ENTPD2: variants seen among roughly 807,000 people sequenced by gnomAD.
The protein encoded by ENTPD2 is ectonucleoside triphosphate diphosphohydrolase 2, also known as CD39 antigen-like 1.
In ENTPD2, 48 loss-of-function variants were observed where a neutral mutation model predicts 46.8. The ratio of observed to expected loss-of-function variants is 1.03; its 90% CI spans 0.81 to 1.30. The LOEUF (loss-of-function observed/expected upper bound fraction) is 1.30. Ranked by LOEUF, ENTPD2 falls within the 50% of genes most tolerant of loss-of-function variation. The pLI, the probability that ENTPD2 is intolerant of heterozygous loss-of-function variation, is 0.00. For synonymous variants in ENTPD2, 316 were observed against 286.1 expected (o/e 1.10, Z -1.06); for missense variants, 707 against 651.1 (o/e 1.09, Z -0.93).
In ENTPD2 at chr9:137,048,977, G is replaced by C. The variant is rs7873815; in HGVS notation, c.1248C>G (p.Asp416Glu). The C allele has an allele frequency of 1.3e-6, 2 of 1,534,320 alleles. No individual in the cohort carries two copies. Among genetic ancestry groups the C allele is most frequent in the East Asian group, 2.5e-5 (1 of 40,382 alleles). ...AGATCACGCCGCCGAAGGCGCGCTC[G>C]TCGAAGCCGTAGCCGCGACTCAGCA... ...QQLLSRGYGF[D>E]ERAFGGVIFQ... Residue 416 changes from aspartate to glutamate, a missense_variant, in exon 8 of 9, where the codon GAC becomes GAG. Physicochemically the swap from Asp to Glu is conservative, Grantham distance 45. Coordinates refer to ENST00000355097, the MANE Select transcript of ENTPD2 (RefSeq NM_203468.3).
chr9:137,050,775 A>T (rs533858427), intron 5 of ENTPD2, 127 bp downstream of exon 5: 20 of 1,321,404 alleles, frequency 1.5e-5, no homozygotes, highest in Non-Finnish European at 2.1e-5. Context: ...TCATGCTCTG[A>T]CCCTCCCACC....
intron 1 of ENTPD2, among the ~76,000 whole-genome samples, 193 bp downstream of exon 1, chr9:137,053,688 C>T (rs1037657643): frequency 3.3e-5 from 5 of 152,158 alleles, no homozygotes; most frequent in Admixed American, 2.6e-4. Context: ...GAAGCGCCAC[C>T]GCCCCCCGCC....
chr9:137,049,213 C>T, intron 7 of ENTPD2, 138 bp from the exon 8 acceptor site: 1 of 1,406,128 alleles, frequency 7.1e-7, no homozygotes, highest in Non-Finnish European at 9.7e-7. Flanking sequence ...CCACACAGGC[C>T]CGGACACGAA....
At chr9:137,050,584 G>T in intron 5 of ENTPD2, 46 bp from the exon 6 acceptor site, 2 of 1,595,994 alleles carry the variant, frequency 1.3e-6, no homozygotes, top group South Asian at 1.1e-5. Context: ...CACCGCTCCA[G>T]AGGACCAGCC....
chr9:137,053,905 G>C lies in ENTPD2; in HGVS notation c.93C>G (p.Asp31Glu). ...CCTTGAGGGCGGGCGGCTCCCGGAC[G>C]TCGCGGGTGGGGACGCACAGCAGTA... ...GLLLLCVPTR[D>E]VREPPALKYG... The change falls in exon 1 of 9, where the codon GAC becomes GAG. Residue 31 changes from aspartate (D) to glutamate (E), a missense_variant. Transcript: ENST00000355097. 1 of 1,225,396 alleles carries C rather than the reference G, an allele frequency of 8.2e-7. No individual in the cohort carries two copies. The highest frequency in any genetic ancestry group is 1.0e-6 in the Non-Finnish European group (1 of 983,698). The allele number at this position is 1,225,396 out of a possible 1,614,324, so 75.9% of individuals were successfully genotyped here. A position where few individuals can be genotyped will look rare whatever the true frequency, so the allele number is the denominator to read the frequency against.
In ENTPD2 at chr9:137,048,218, C is replaced by CT. The variant is rs1250691011; in HGVS notation, c.*438dup. On this transcript the variant is annotated 3_prime_UTR_variant, in exon 9 of 9. Coordinates refer to ENST00000355097, the MANE Select transcript of ENTPD2 (RefSeq NM_203468.3). ...GACCCAGACTACACAGAAGGAGCCT[C>CT]TAAGGGCTGATTCTCAGGACCAAGG... 1 of 173,068 alleles carries CT rather than the reference C, an allele frequency of 5.8e-6. No individual in the cohort carries two copies. Among genetic ancestry groups the CT allele is most frequent in the African/African-American group, 2.4e-5 (1 of 41,756 alleles). The allele number at this position is 173,068 out of a possible 1,614,324, so 10.7% of individuals were successfully genotyped here.
chr9:137,049,671 C>T (rs1011351818), intron 7 of ENTPD2, 199 bp downstream of exon 7: 8 of 593,920 alleles, frequency 1.3e-5, no homozygotes, highest in African/African-American at 5.8e-5. Context: ...TCGGGCCTGG[C>T]GAAGCTTCTC....
At chr9:137,050,801 T>C in intron 5 of ENTPD2, 101 bp downstream of exon 5, 2 of 1,431,272 alleles carry the variant, frequency 1.4e-6, no homozygotes, top group Non-Finnish European at 1.9e-6. Context: ...TTCCAGCCAA[T>C]TAAAGCCCAG....
rs902711850 is a variant in ENTPD2, at chr9:137,053,036, C to T, written c.118-688G>A. ...TCCTGCCCCAGCATCCTGGATCCAC[C>T]TGGAAAGCTGGGGACCAGCCTCCCA... is the stretch of plus-strand genomic sequence containing the variant. On this transcript the variant is annotated intron_variant, in intron 1 of 8. Coordinates refer to ENST00000355097, the MANE Select transcript of ENTPD2 (RefSeq NM_203468.3). The T allele has an allele frequency of 2.6e-5, 4 of 152,496 alleles. No individual in the cohort carries two copies. In the East Asian group the frequency reaches 7.7e-4, roughly 30 times the overall value. 9.4% of individuals were successfully genotyped at this position (152,496 alleles called of 1,614,324 possible). A position where few individuals can be genotyped will look rare whatever the true frequency, so the allele number is the denominator to read the frequency against.
rs763628632 is a variant in ENTPD2, at chr9:137,052,316, G to A, written c.150C>T (p.His50=). 1.2e-6 allele frequency: 2 copies of A among 1,611,324 alleles called. No individual in the cohort carries two copies. The highest frequency in any genetic ancestry group is 8.5e-7 in the Non-Finnish European group (1 of 1,179,082). ...YGIVLDAGSS[H]TSMFIYKWPA... ...GCCACTTGTAGATAAACATGGACGT[G>A]TGTGAAGAACCAGCGTCCAGGACGA... The change falls in exon 2 of 9, where the codon CAC becomes CAT. Residue 50 remains histidine (H), a synonymous_variant. Transcript: ENST00000355097.
In ENTPD2 at chr9:137,052,331, G is replaced by A. The variant is rs201777122; in HGVS notation, c.135C>T (p.Asp45=). ...ACATGGACGTGTGTGAAGAACCAGC[G>A]TCCAGGACGATGCCATACTGCGGGG... is the stretch of plus-strand genomic sequence containing the variant. The part of the protein sequence containing the change: ...PPALKYGIVL[D]AGSSHTSMFI... Residue 45 remains aspartate, a synonymous_variant, in exon 2 of 9, where the codon GAC becomes GAT. Transcript: ENST00000355097. The A allele has an allele frequency of 1.8e-5, 29 of 1,609,934 alleles. No individual in the cohort carries two copies. The highest frequency in any genetic ancestry group is 5.0e-5 in the Admixed American group (3 of 59,894).
Position 137,048,987 on chromosome 9 carries a change from T to TAGCCGC in ENTPD2, c.1232_1237dup (p.Gly412_Tyr413insCysGly). On this transcript the variant is annotated inframe_insertion, in exon 8 of 9. Transcript: ENST00000355097. ...GCCGAAGGCGCGCTCGTCGAAGCCG[T>TAGCCGC]AGCCGCGACTCAGCAGCTGCTGCAC... 1 of 1,534,508 alleles carries TAGCCGC rather than the reference T, an allele frequency of 6.5e-7. No individual in the cohort carries two copies. The highest frequency in any genetic ancestry group is 1.4e-5 in the African/African-American group (1 of 72,458).
chr9:137,051,064 A>AC lies in ENTPD2; in HGVS notation c.611dup (p.Ala205CysfsTer8), dbSNP rs780942303. 59 of 1,612,166 alleles carry AC rather than the reference A, an allele frequency of 3.7e-5. 1 individual carries two copies. The Middle Eastern group carries it at 6.6e-4, about 18-fold the overall frequency. ...TCTCAAAAGTGATCTGGGTAGAGGC[A>AC]CCCCCCAGGTCCATGGCCCCCAGTG... On this transcript the variant is annotated frameshift_variant, in exon 5 of 9. Transcript: ENST00000355097. LOFTEE classifies it high-confidence loss of function.
chr9:137,051,495 C>T lies in ENTPD2; in HGVS notation c.386+15G>A. The T allele has an allele frequency of 6.3e-7, 1 of 1,579,846 alleles. No individual in the cohort carries two copies. The highest frequency in any genetic ancestry group is 1.2e-5 in the South Asian group (1 of 85,880). On this transcript the variant is annotated intron_variant, in intron 3 of 8. Coordinates refer to ENST00000355097, the MANE Select transcript of ENTPD2 (RefSeq NM_203468.3). The stretch of plus-strand genomic sequence containing the variant: ...GGCCATCATGGGGACAGGGCCAGGG[C>T]ACAGGCACACTCACTTGAGCAGGCG...
At chr9:137,049,548 G>C in intron 7 of ENTPD2, 1 of 435,722 alleles carries the variant, frequency 2.3e-6, no homozygotes, top group Non-Finnish European at 4.1e-6. Context: ...GCACACTCCC[G>C]GTGCCCAGAC....
intron 7 of ENTPD2, 180 bp downstream of exon 7, chr9:137,049,690 C>T: frequency 1.5e-6 from 1 of 682,834 alleles, no homozygotes; most frequent in Non-Finnish European, 2.3e-6. Flanking sequence ...TCCAACCCGC[C>T]CGACTTGTTC....
At position 137,049,015 on chromosome 9, in the gene ENTPD2, A is replaced by T; in HGVS notation, c.1210T>A (p.Phe404Ile). Reference sequence around the variant, plus strand: ...CCGCGACTCAGCAGCTGCTGCACGAACATGGCCCCGGCGCAGTAGTCGGCC... The same window carrying T: ...CCGCGACTCAGCAGCTGCTGCACGATCATGGCCCCGGCGCAGTAGTCGGCC... ...RLADYCAGAMFVQQLLSRGYG... is the reference protein window; with the variant it reads ...RLADYCAGAMIVQQLLSRGYG... The change falls in exon 8 of 9, where the codon TTC becomes ATC. Residue 404 changes from phenylalanine to isoleucine, a missense_variant. Coordinates refer to ENST00000355097, the MANE Select transcript of ENTPD2 (RefSeq NM_203468.3). 1 of 1,537,570 alleles carries T rather than the reference A, an allele frequency of 6.5e-7. No individual in the cohort carries two copies. The highest frequency in any genetic ancestry group is 8.7e-7 in the Non-Finnish European group (1 of 1,145,560).
intron 7 of ENTPD2, 76 bp from the exon 8 acceptor site, chr9:137,049,151 G>A: frequency 6.5e-7 from 1 of 1,532,916 alleles, no homozygotes; most frequent in Non-Finnish European, 8.7e-7. Context: ...GGGGCCGGCG[G>A]CGTGCTTCAC....
chr9:137,050,996 T>TG lies in ENTPD2; in HGVS notation c.679dup (p.His227ProfsTer20). On this transcript the variant is annotated frameshift_variant, in exon 5 of 9. Coordinates refer to ENST00000355097, the MANE Select transcript of ENTPD2 (RefSeq NM_203468.3). LOFTEE classifies it high-confidence loss of function. ...GACTCGGTAGTGCTGGCCGTAGAGATGCAGCTGGACCTCGCTGGCTCTGTC... is the reference window on the plus strand; with the variant it reads ...GACTCGGTAGTGCTGGCCGTAGAGATGGCAGCTGGACCTCGCTGGCTCTGTC... 1 of 1,543,600 alleles carries TG rather than the reference T, an allele frequency of 6.5e-7. No homozygotes were observed. Among genetic ancestry groups the TG allele is most frequent in the Non-Finnish European group, 8.7e-7 (1 of 1,147,664 alleles).
Sources: gnomAD v4.1 joint callset for allele counts (sites outside exome capture counted in the v4.1 genomes callset) on GRCh38, gnomAD v4.1.1 for gene constraint, MANE v1.5 for transcripts, NCBI Gene and HGNC (gene_info 2026-07-23, HGNC 2026-07-21) for gene names.